AATF: variants seen among roughly 807,000 people sequenced by gnomAD.
AATF encodes the protein apoptosis antagonizing transcription factor, also known as protein AATF.
In AATF, 48 loss-of-function variants were observed where a neutral mutation model predicts 63.7. That is an observed-to-expected ratio of 0.75 (90% CI 0.60 to 0.96). The LOEUF is 0.96. AATF is among the 40% of genes least tolerant of loss of function. AATF has a pLI of 0.00. For missense variants in AATF, 639 were observed against 685.7 expected (o/e 0.93, Z 0.76); for synonymous variants, 258 against 247.7 (o/e 1.04, Z -0.39).
intron 10 of AATF, among the ~76,000 whole-genome samples, chr17:37,026,648 A>G (rs2071513198): frequency 6.6e-6 from 1 of 152,254 alleles, no homozygotes; most frequent in African/African-American, 2.4e-5. Flanking sequence ...GTGGTTATGC[A>G]GACTAAATGA....
At chr17:37,008,497 A>G (rs2071358586) in intron 8 of AATF, among the ~76,000 whole-genome samples, 1 of 152,202 alleles carries the variant, frequency 6.6e-6, no homozygotes, top group African/African-American at 2.4e-5. Context: ...TAGCTCTTAG[A>G]GAGTGGGAGA....
intron 5 of AATF, among the ~76,000 whole-genome samples, chr17:36,987,011 G>A (rs1233530846): frequency 6.6e-6 from 1 of 152,096 alleles, no homozygotes; most frequent in African/African-American, 2.4e-5. Context: ...TTTTAGAGAT[G>A]GGGTCTTACA....
In AATF at chr17:37,056,702, G is replaced by A; in HGVS notation, c.*38G>A. The A allele has an allele frequency of 1.9e-6, 3 of 1,608,850 alleles. No individual in the cohort carries two copies. Among genetic ancestry groups the A allele is most frequent in the Non-Finnish European group, 2.6e-6 (3 of 1,175,492 alleles). On this transcript the variant is annotated 3_prime_UTR_variant, in exon 12 of 12. Coordinates refer to ENST00000619387, the MANE Select transcript of AATF (RefSeq NM_012138.4). ...CCGACACCCAGTGGGCGCCTTGGCT[G>A]GTGCGGCTGCTGGTCCAGATGGAGG... is the stretch of plus-strand genomic sequence containing the variant.
intron 8 of AATF, among the ~76,000 whole-genome samples, chr17:37,015,310 A>G (rs1597726591): frequency 6.6e-6 from 1 of 152,216 alleles, no homozygotes; most frequent in Admixed American, 6.5e-5. Flanking sequence ...GTGCTGCTAT[A>G]GTAAAATACC....
chr17:37,029,421 T>C (rs1041265648), intron 10 of AATF, among the ~76,000 whole-genome samples: 1 of 151,916 alleles, frequency 6.6e-6, no homozygotes, highest in Admixed American at 6.6e-5. Flanking sequence ...TTTTTGTATT[T>C]TTAGTAGAGA....
chr17:36,996,177 A>T (rs1164726529), intron 8 of AATF, among the ~76,000 whole-genome samples: 1 of 152,120 alleles, frequency 6.6e-6, no homozygotes, highest in Non-Finnish European at 1.5e-5. Context: ...CACACCTGTA[A>T]TCTCAGCACT....
chr17:37,019,115 A>G (rs776451994), intron 9 of AATF, 43 bp downstream of exon 9: 1 of 1,524,744 alleles, frequency 6.6e-7, no homozygotes, highest in Admixed American at 1.7e-5. Flanking sequence ...CAGCCTATGT[A>G]ATAGTTTCTC....
chr17:37,042,593 T>C lies in AATF; in HGVS notation c.1619+10908T>C, dbSNP rs12602064. On this transcript the variant is annotated intron_variant, in intron 11 of 11. Coordinates refer to ENST00000619387, the MANE Select transcript of AATF (RefSeq NM_012138.4). ...CCACACCCAGCTTTTTTTTTTTTTT[T>C]TTCCTGTAGAGACGGGGTCTTGCTG... Among the ~76,000 whole-genome samples the C allele has an allele frequency of 6.6e-5, 10 of 151,008 alleles. No individual in the cohort carries two copies. The East Asian group carries it at 1.9e-3, about 29-fold the overall frequency.
In AATF at chr17:37,056,608, C is replaced by CTG; in HGVS notation, c.1629_1630dup (p.Tyr544CysfsTer43). The stretch of plus-strand genomic sequence containing the variant: ...GCTGTGTTTGTCTTTTAGGACAGAA[C>CTG]TGTACCGCTCTCTTTTTGGCCAGCT... On this transcript the variant is annotated frameshift_variant, in exon 12 of 12. Transcript: ENST00000619387. LOFTEE classifies it high-confidence loss of function. 6.2e-7 allele frequency: 1 copy of CTG among 1,614,234 alleles called. No individual in the cohort carries two copies. Among genetic ancestry groups the CTG allele is most frequent in the Non-Finnish European group, 8.5e-7 (1 of 1,180,036 alleles).
intron 8 of AATF, among the ~76,000 whole-genome samples, chr17:37,001,115 T>C (rs1326882030): frequency 6.6e-6 from 1 of 152,092 alleles, no homozygotes; most frequent in Non-Finnish European, 1.5e-5. Flanking sequence ...GCCCAGGAGT[T>C]TGAGACCAGT....
chr17:36,955,898 T>TA (rs2070895969), intron 4 of AATF, among the ~76,000 whole-genome samples: 1 of 152,076 alleles, frequency 6.6e-6, no homozygotes, highest in African/African-American at 2.4e-5. Flanking sequence ...GAGTAGCTGG[T>TA]ACTACAGGCA....
At chr17:36,962,476 C>T (rs770146269) in intron 4 of AATF, among the ~76,000 whole-genome samples, 7 of 152,234 alleles carry the variant, frequency 4.6e-5, no homozygotes, top group South Asian at 4.1e-4. Context: ...AGCTTAAAAA[C>T]TACTGATACC....
In AATF at chr17:37,005,239, G is replaced by T. The variant is rs558227816; in HGVS notation, c.1399-13766G>T. Among the ~76,000 whole-genome samples, 4 of 152,312 alleles carry T rather than the reference G, an allele frequency of 2.6e-5. No homozygotes were observed. The East Asian group carries it at 7.7e-4, about 29-fold the overall frequency. On this transcript the variant is annotated intron_variant, in intron 8 of 11. Transcript: ENST00000619387. ...TTCCAAGATACATCTATCCCTAAGGGACTGTGGGTCTGTACGACAAAAGGA... is the reference window on the plus strand; with the variant it reads ...TTCCAAGATACATCTATCCCTAAGGTACTGTGGGTCTGTACGACAAAAGGA...
Position 37,056,819 on chromosome 17 carries a change from T to A in AATF, c.*155T>A. 6.7e-6 allele frequency: 5 copies of A among 741,040 alleles called. No homozygotes were observed. Among genetic ancestry groups the A allele is most frequent in the Non-Finnish European group, 1.1e-5 (5 of 462,632 alleles). The allele number at this position is 741,040 out of a possible 1,614,324, so 45.9% of individuals were successfully genotyped here. A position where few individuals can be genotyped will look rare whatever the true frequency, so the allele number is the denominator to read the frequency against. On this transcript the variant is annotated 3_prime_UTR_variant, in exon 12 of 12. Coordinates refer to ENST00000619387, the MANE Select transcript of AATF (RefSeq NM_012138.4). ...GTGCCTAATACACGCAAGGGCGCTGTCCCGCCCAACCCCGCCTTTAAACGC... is the reference window on the plus strand; with the variant it reads ...GTGCCTAATACACGCAAGGGCGCTGACCCGCCCAACCCCGCCTTTAAACGC...
chr17:37,023,775 C>G (rs1262251588), intron 10 of AATF, among the ~76,000 whole-genome samples: 2 of 151,996 alleles, frequency 1.3e-5, no homozygotes, highest in Admixed American at 1.3e-4. Context: ...CCAGTCTGCC[C>G]TCAGGGAGCA....
At chr17:36,976,301 A>G (rs948800837) in intron 4 of AATF, among the ~76,000 whole-genome samples, 2 of 152,220 alleles carry the variant, frequency 1.3e-5, no homozygotes, top group African/African-American at 4.8e-5. Flanking sequence ...TGGTGATGCA[A>G]TAATAGTATC....
rs774188238 is a variant in AATF at position 36,990,789 on chromosome 17, G to A, written c.1330G>A (p.Ala444Thr). 4 of 1,591,832 alleles carry A rather than the reference G, an allele frequency of 2.5e-6. No homozygotes were observed. Among genetic ancestry groups the A allele is most frequent in the South Asian group, 2.3e-5 (2 of 86,418 alleles). ...GTTAACATAGGAGATCCTTCCTCAA[G>A]CCCCTGCTAATGCTCATCTGAAGGA... ...LPGEPEILPQ[A>T]PANAHLKDLD... The change falls in exon 8 of 12, where the codon GCC (alanine) becomes ACC (threonine). Residue 444 changes from alanine (A) to threonine (T), a missense_variant. Ala to Thr is a moderately conservative substitution (Grantham distance 58). Coordinates refer to ENST00000619387, the MANE Select transcript of AATF (RefSeq NM_012138.4).
At chr17:37,015,087 A>G (rs766341115) in intron 8 of AATF, among the ~76,000 whole-genome samples, 1 of 152,170 alleles carries the variant, frequency 6.6e-6, no homozygotes, top group African/African-American at 2.4e-5. Context: ...TGGTTTGTGC[A>G]TGAGGATTTC....
rs1001476508 is a variant in AATF at position 36,961,185 on chromosome 17, A to G, written c.832+7278A>G. 2.0e-4 allele frequency among the ~76,000 whole-genome samples: 30 copies of G among 152,204 alleles called. 1 individual carries two copies. The highest frequency in any genetic ancestry group is 2.4e-5 in the African/African-American group (1 of 41,434). On this transcript the variant is annotated intron_variant, in intron 4 of 11. Transcript: ENST00000619387. ...TTTAGGAGTTGAAGTATTCCTTTTT[A>G]TAGATTTACTGCAATTTAGTTAACC...
Sources: gnomAD v4.1 joint callset for allele counts (sites outside exome capture counted in the v4.1 genomes callset) on GRCh38, gnomAD v4.1.1 for gene constraint, MANE v1.5 for transcripts, NCBI Gene and HGNC (gene_info 2026-07-23, HGNC 2026-07-21) for gene names.